The following VPS8 variants were observed in gnomAD, a reference collection of about 807,000 sequenced individuals.
VPS8 encodes the protein VPS8 subunit of CORVET complex.
VPS8 carries 129 observed loss-of-function variants against 216.4 expected under a neutral mutation model. The ratio of observed to expected loss-of-function variants is 0.60; its 90% CI spans 0.52 to 0.69. The LOEUF (loss-of-function observed/expected upper bound fraction) is 0.69. VPS8 is among the 30% of genes least tolerant of loss of function. VPS8 has a pLI of 0.00. For synonymous variants in VPS8, 571 were observed against 565.4 expected (o/e 1.01, Z -0.14); for missense variants, 1,531 against 1,683.5 (o/e 0.91, Z 1.59).
At chr3:185,008,094 A>G (rs545941842) in intron 45 of VPS8, among the ~76,000 whole-genome samples, 1 of 152,110 alleles carries the variant, frequency 6.6e-6, no homozygotes, top group Non-Finnish European at 1.5e-5. Context: ...ATGAGATTTC[A>G]GTGTTCAGCA....
chr3:184,966,810 T>C, intron 39 of VPS8, 97 bp downstream of exon 39: 6 of 784,590 alleles, frequency 7.6e-6, no homozygotes, highest in Non-Finnish European at 1.2e-5. Flanking sequence ...TAATTACACT[T>C]GCATATATGC....
chr3:184,902,753 C>T (rs932589400), intron 25 of VPS8, among the ~76,000 whole-genome samples: 4 of 151,668 alleles, frequency 2.6e-5, no homozygotes, highest in African/African-American at 9.7e-5. Context: ...TCGCTTGAAC[C>T]CGGGAGGCGG....
At chr3:184,831,630 C>G (rs1003883280) in intron 3 of VPS8, among the ~76,000 whole-genome samples, 1 of 152,166 alleles carries the variant, frequency 6.6e-6, no homozygotes, top group African/African-American at 2.4e-5. Context: ...CACCTTTTAC[C>G]TGGTTGTAGA....
In VPS8 at chr3:184,957,431, G is replaced by T; in HGVS notation, c.3093G>T (p.Gln1031His). Reference sequence around the variant, plus strand: ...AAATATCTCCTTGTATCACAGAGCAGTTCATTGAGCTGTTGTGTCAGTTCA... The same window carrying T: ...AAATATCTCCTTGTATCACAGAGCATTTCATTGAGCTGTTGTGTCAGTTCA... ...LLQISPCITEQFIELLCQFNP... is the reference protein window; with the variant it reads ...LLQISPCITEHFIELLCQFNP... Residue 1031 changes from glutamine (Q) to histidine (H), a missense_variant, in exon 37 of 48, where the codon CAG (glutamine) becomes CAT (histidine). Gln to His is a conservative substitution (Grantham distance 24). Around this residue, in one of 3 missense-constraint regions of VPS8, gnomAD observed 1,318 missense variants for 1,468.4 expected, o/e 0.90. Coordinates refer to ENST00000625842, the MANE Select transcript of VPS8 (RefSeq NM_001009921.3). 1 of 1,612,594 alleles carries T rather than the reference G, an allele frequency of 6.2e-7. No homozygotes were observed. The highest frequency in any genetic ancestry group is 8.5e-7 in the Non-Finnish European group (1 of 1,179,272).
chr3:184,855,271 A>G (rs926635599), intron 13 of VPS8, among the ~76,000 whole-genome samples: 4 of 152,072 alleles, frequency 2.6e-5, no homozygotes, highest in Non-Finnish European at 4.4e-5. Flanking sequence ...CCTTTATTAC[A>G]TATCTGTCCA....
At chr3:184,954,619 A>G (rs1291261930) in intron 36 of VPS8, among the ~76,000 whole-genome samples, 1 of 152,186 alleles carries the variant, frequency 6.6e-6, no homozygotes, top group Non-Finnish European at 1.5e-5. Flanking sequence ...TAGATTTATC[A>G]TGGGCTGCTT....
chr3:184,865,190 C>A (rs1367532112), intron 16 of VPS8, among the ~76,000 whole-genome samples: 1 of 152,076 alleles, frequency 6.6e-6, no homozygotes, highest in East Asian at 1.9e-4. Flanking sequence ...CATCAGATAG[C>A]CTAATGTACG....
intron 45 of VPS8, among the ~76,000 whole-genome samples, chr3:185,021,914 C>A (rs1459470006): frequency 6.6e-6 from 1 of 152,196 alleles, no homozygotes; most frequent in African/African-American, 2.4e-5. Context: ...GCACCTCATT[C>A]TAGTCAGATA....
chr3:184,916,500 T>A (rs1340059883), intron 28 of VPS8, among the ~76,000 whole-genome samples: 1 of 152,082 alleles, frequency 6.6e-6, no homozygotes, highest in Non-Finnish European at 1.5e-5. Flanking sequence ...CTATACTACT[T>A]TTATAAATTG....
At chr3:184,868,184 C>A (rs2108765068) in intron 18 of VPS8, 125 bp downstream of exon 18, 2 of 961,036 alleles carry the variant, frequency 2.1e-6, no homozygotes, top group South Asian at 1.7e-5. Flanking sequence ...ACAAGAAAAC[C>A]ATTATAGCTG....
intron 42 of VPS8, among the ~76,000 whole-genome samples, chr3:184,991,697 A>G (rs2109833446): frequency 6.6e-6 from 1 of 152,326 alleles, no homozygotes; most frequent in Middle Eastern, 3.4e-3. Flanking sequence ...ATATTTGACA[A>G]ACGTATACTT....
chr3:185,052,015 C>A lies in VPS8; in HGVS notation c.4277C>A (p.Thr1426Asn), dbSNP rs370499145. 23 of 1,612,094 alleles carry A rather than the reference C, an allele frequency of 1.4e-5. No homozygotes were observed. In the Middle Eastern group the frequency reaches 5.0e-4, roughly 35 times the overall value. Residue 1426 changes from threonine to asparagine, a missense_variant, in exon 48 of 48, where the codon ACT becomes AAT. This residue lies in a region of VPS8 where 1,318 missense variants were observed against 1,468.4 expected (regional missense o/e 0.90). Transcript: ENST00000625842. ...FQLQLIPPPV[T>N]ED ...CTGCAGCTCATTCCTCCACCTGTGA[C>A]TGAGGATTGATGACTCCATGGAGCC... is the stretch of plus-strand genomic sequence containing the variant.
chr3:184,911,140 G>A (rs907526724), intron 25 of VPS8, among the ~76,000 whole-genome samples: 1 of 152,136 alleles, frequency 6.6e-6, no homozygotes, highest in Non-Finnish European at 1.5e-5. Context: ...AGAAGATATT[G>A]GGAAGAGAAA....
chr3:184,944,953 T>C (rs1013975684), intron 36 of VPS8, among the ~76,000 whole-genome samples: 1 of 152,108 alleles, frequency 6.6e-6, no homozygotes, highest in Non-Finnish European at 1.5e-5. Flanking sequence ...ATTAGGAGAT[T>C]ATATATGTTC....
Position 184,849,095 on chromosome 3 carries a change from G to T in VPS8, c.566G>T (p.Cys189Phe), listed in dbSNP as rs1723751121. The T allele has an allele frequency of 6.2e-7, 1 of 1,613,248 alleles. No individual in the cohort carries two copies. Among genetic ancestry groups the T allele is most frequent in the African/African-American group, 1.3e-5 (1 of 74,860 alleles). The change falls in exon 9 of 48, where the codon TGT becomes TTT. Residue 189 changes from cysteine to phenylalanine, a missense_variant. Cys to Phe is a radical substitution (Grantham distance 205, BLOSUM62 -2). Coordinates refer to ENST00000625842, the MANE Select transcript of VPS8 (RefSeq NM_001009921.3). ...GKDQNQALRL[C>F]LGSTSVGGQY... is the part of the protein sequence containing the mutation. ...GATCAGAATCAAGCTTTGCGACTCT[G>T]TCTGGGTAGCACTAGTGTTGGAGGT...
At chr3:185,049,840 G>A (rs1196853284) in intron 47 of VPS8, among the ~76,000 whole-genome samples, 3 of 152,130 alleles carry the variant, frequency 2.0e-5, no homozygotes, top group Non-Finnish European at 2.9e-5. Flanking sequence ...GCAGCCGGAG[G>A]AAAGAGTGGT....
At chr3:184,839,093 G>A in intron 6 of VPS8, 1 of 231,038 alleles carries the variant, frequency 4.3e-6, no homozygotes, top group Non-Finnish European at 8.3e-6. Flanking sequence ...GGATCACTTT[G>A]TGGAAAATAG....
At chr3:184,826,287 T>A (rs1718758440) in intron 3 of VPS8, 56 bp downstream of exon 3, 1 of 1,464,942 alleles carries the variant, frequency 6.8e-7, no homozygotes, top group Admixed American at 1.8e-5. Flanking sequence ...TCTTAATACT[T>A]TTTGGATTAG....
At chr3:184,957,599 G>A in intron 37 of VPS8, 78 bp downstream of exon 37, 149 of 1,406,078 alleles carry the variant, frequency 1.1e-4, no homozygotes, top group South Asian at 4.3e-4. Flanking sequence ...AAAGACAAGG[G>A]GAAAAAATAT....
Sources: allele counts gnomAD v4.1 joint callset (sites outside exome capture counted in the v4.1 genomes callset), GRCh38; gene constraint gnomAD v4.1.1; regional missense constraint gnomAD v4.1.1; transcripts MANE v1.5; gene names NCBI Gene and HGNC (gene_info 2026-07-23, HGNC 2026-07-21).